Variants in FYN observed in about 807,000 individuals in gnomAD.
FYN encodes tyrosine-protein kinase Fyn.
A neutral mutation model predicts 70.2 loss-of-function variants in FYN; 10 were observed. The ratio of observed to expected loss-of-function variants is 0.14; its 90% CI spans 0.09 to 0.24. The LOEUF is 0.24. FYN is among the 10% of genes least tolerant of loss of function. The pLI, the probability that FYN is intolerant of heterozygous loss-of-function variation, is 1.00. For missense variants in FYN, 319 were observed against 673.1 expected (o/e 0.47, Z 5.82); for synonymous variants, 236 against 248.6 (o/e 0.95, Z 0.48).
Position 111,685,547 on chromosome 6 carries a change from T to C in FYN, c.1273+8828A>G, listed in dbSNP as rs1469636427. 2.0e-5 allele frequency among the ~76,000 whole-genome samples: 3 copies of C among 152,198 alleles called. No homozygotes were observed. In the East Asian group the frequency reaches 5.8e-4, roughly 29 times the overall value. On this transcript the variant is annotated intron_variant, in intron 12 of 13. Transcript: ENST00000354650. ...GCTGTAAGAAATGAGGCTTCAGAAC[T>C]TGGGGCAGTTTACAAATGTACTGCG...
chr6:111,756,902 A>G (rs72942143), intron 3 of FYN, among the ~76,000 whole-genome samples: 3,478 of 152,292 alleles, frequency 0.023, 75 homozygotes, highest in African/African-American at 0.05. Context: ...CCTTCCCTTT[A>G]AAATCAGTAA....
At chr6:111,747,899 T>A (rs780070904) in intron 3 of FYN, among the ~76,000 whole-genome samples, 22 of 152,236 alleles carry the variant, frequency 1.4e-4, no homozygotes, top group Non-Finnish European at 2.5e-4. Flanking sequence ...GGCACTATTA[T>A]TGTTCCTGCT....
In FYN at chr6:111,661,352, C is replaced by CT. The variant is rs879303037; in HGVS notation, c.*386dup. On this transcript the variant is annotated 3_prime_UTR_variant, in exon 14 of 14. Transcript: ENST00000354650. The surrounding 1 kb of genome is among the most constrained non-coding windows in gnomAD (Gnocchi z 4.0). ...AAGAGGCCACTTTTGGAAAATAATA[C>CT]TTTTTTTTTTTTAGTTGAATCAGGT... 1.8e-3 allele frequency: 265 copies of CT among 151,352 alleles called. No homozygotes were observed. Among genetic ancestry groups the CT allele is most frequent in the Non-Finnish European group, 2.6e-3 (182 of 69,968 alleles). 9.4% of individuals were successfully genotyped at this position (151,352 alleles called of 1,614,324 possible).
At chr6:111,742,862 C>T (rs936446545) in intron 3 of FYN, among the ~76,000 whole-genome samples, 3 of 152,152 alleles carry the variant, frequency 2.0e-5, no homozygotes, top group South Asian at 2.1e-4. Context: ...TACAAATACC[C>T]GTGCAACCAA....
intron 13 of FYN, among the ~76,000 whole-genome samples, chr6:111,666,519 G>C (rs1380666055): frequency 6.6e-6 from 1 of 152,178 alleles, no homozygotes; most frequent in African/African-American, 2.4e-5. Context: ...AGGAAAACAG[G>C]CCATTGTGGT....
At chr6:111,864,691 GC>G (rs1259149250) in intron 1 of FYN, among the ~76,000 whole-genome samples, 1 of 152,178 alleles carries the variant, frequency 6.6e-6, no homozygotes, top group Non-Finnish European at 1.5e-5. Flanking sequence ...GGGTAAAGGT[GC>G]CTCTGCATCC....
At chr6:111,749,800 AT>A (rs1326837123) in intron 3 of FYN, among the ~76,000 whole-genome samples, 1 of 152,216 alleles carries the variant, frequency 6.6e-6, no homozygotes. Flanking sequence ...TTAAATAAAT[AT>A]ATGTTCAAAA....
At chr6:111,697,099 C>T (rs1035556642) in intron 9 of FYN, among the ~76,000 whole-genome samples, 1 of 152,132 alleles carries the variant, frequency 6.6e-6, no homozygotes, top group Non-Finnish European at 1.5e-5. Context: ...AGAACAATGG[C>T]TTCTGTCAGG....
intron 2 of FYN, among the ~76,000 whole-genome samples, chr6:111,836,636 C>T (rs1379626051): frequency 6.6e-6 from 1 of 152,106 alleles, no homozygotes; most frequent in African/African-American, 2.4e-5. Context: ...GGCGCTGTAG[C>T]AGGCACCTGT....
chr6:111,699,394 C>T, intron 9 of FYN: 5 of 1,040,708 alleles, frequency 4.8e-6, no homozygotes, highest in Non-Finnish European at 7.0e-6. Flanking sequence ...ATGGCCTGTG[C>T]CCGTCTAGTT....
chr6:111,873,343 G>A lies in FYN; in HGVS notation c.-498C>T, dbSNP rs1486932184. 6.7e-6 allele frequency: 1 copy of A among 150,212 alleles called. No homozygotes were observed. Among genetic ancestry groups the A allele is most frequent in the African/African-American group, 2.4e-5 (1 of 41,006 alleles). The allele number at this position is 150,212 out of a possible 1,614,324, so 9.3% of individuals were successfully genotyped here. A position where few individuals can be genotyped will look rare whatever the true frequency, so the allele number is the denominator to read the frequency against. The stretch of plus-strand genomic sequence containing the variant: ...CGGCTCGCGGCGACCCCTCCTCCTC[G>A]CCCGCGGCAGCCCCCTCCTCGCCGG... On this transcript the variant is annotated 5_prime_UTR_variant, in exon 1 of 14. Transcript: ENST00000354650.
intron 4 of FYN, 167 bp from the exon 5 acceptor site, chr6:111,714,610 T>C: frequency 1.6e-6 from 1 of 609,482 alleles, no homozygotes; most frequent in African/African-American, 1.8e-5. Context: ...CACAGGGCTG[T>C]GTTTATGCCT....
intron 3 of FYN, among the ~76,000 whole-genome samples, chr6:111,744,168 T>A (rs754689343): frequency 6.6e-6 from 1 of 152,252 alleles, no homozygotes; most frequent in Non-Finnish European, 1.5e-5. Flanking sequence ...GTTATCCTAC[T>A]GTTAAATGTT....
chr6:111,675,458 T>C (rs1453505690), intron 12 of FYN, among the ~76,000 whole-genome samples: 1 of 151,492 alleles, frequency 6.6e-6, no homozygotes, highest in Non-Finnish European at 1.5e-5. Context: ...AAGGGTGTGG[T>C]CCACCTTGCT....
At chr6:111,705,800 G>C (rs1361243294) in intron 6 of FYN, among the ~76,000 whole-genome samples, 1 of 152,144 alleles carries the variant, frequency 6.6e-6, no homozygotes. Flanking sequence ...AGTGAGCTGA[G>C]ACAGGGCCAC....
At chr6:111,832,917 T>C (rs1167563079) in intron 2 of FYN, among the ~76,000 whole-genome samples, 5 of 152,166 alleles carry the variant, frequency 3.3e-5, no homozygotes, top group African/African-American at 1.2e-4. Context: ...GACCCAGAAA[T>C]AACAAGTTAA....
intron 1 of FYN, among the ~76,000 whole-genome samples, chr6:111,848,437 A>G (rs1773592975): frequency 6.6e-6 from 1 of 152,260 alleles, no homozygotes; most frequent in South Asian, 2.1e-4. Flanking sequence ...CAGTACCAAT[A>G]GGAAAACGGA....
At position 111,867,455 on chromosome 6, in the gene FYN, C is replaced by CGG. The variant is rs200104971; in HGVS notation, c.-123+5511_-123+5512dup. On this transcript the variant is annotated intron_variant, in intron 1 of 13. Coordinates refer to ENST00000354650, the MANE Select transcript of FYN (RefSeq NM_002037.5). ...GGGCAACAAGAGCGAAACTCCGTCT[C>CGG]GGGAAAAAAAAAAAAAAAAAAAAAA... Among the ~76,000 whole-genome samples, 312 of 85,866 alleles carry CGG rather than the reference C, an allele frequency of 3.6e-3. 1 individual carries two copies. The highest frequency in any genetic ancestry group is 5.1e-3 in the Non-Finnish European group (262 of 51,628). 56.3% of individuals were successfully genotyped at this position (85,866 alleles called of 152,430 possible).
intron 3 of FYN, among the ~76,000 whole-genome samples, chr6:111,763,198 T>C (rs1803079771): frequency 6.6e-6 from 1 of 152,178 alleles, no homozygotes; most frequent in South Asian, 2.1e-4. Context: ...GCCAAACCAA[T>C]GTATACCTTA....
Sources: gnomAD v4.1 joint callset for allele counts (sites outside exome capture counted in the v4.1 genomes callset) on GRCh38, gnomAD v4.1.1 for gene constraint, Gnocchi (gnomAD v3.1) non-coding constraint, MANE v1.5 for transcripts, NCBI Gene and HGNC (gene_info 2026-07-23, HGNC 2026-07-21) for gene names.